Variants in FBN2 observed in about 807,000 individuals in gnomAD.
FBN2 encodes the protein fibrillin 2, also known as fibrillin-2.
FBN2 carries 105 observed loss-of-function variants against 355.6 expected under a neutral mutation model. The ratio of observed to expected loss-of-function variants is 0.30; its 90% CI spans 0.25 to 0.35. The LOEUF (loss-of-function observed/expected upper bound fraction) is 0.35. Among genes scored for constraint, FBN2 ranks in the 10% least tolerant of loss-of-function variants. The probability of loss-of-function intolerance (pLI) is 1.00; values close to 1 mark genes in which losing one functional copy is unlikely to be tolerated. For missense variants in FBN2, 3,280 were observed against 3,758.7 expected, an observed-to-expected ratio of 0.87 and a Z score of 3.33; for synonymous variants, 1,350 against 1,301.2, an observed-to-expected ratio of 1.04 and a Z score of -0.81.
chr5:128,471,945 G>A (rs1754871917), intron 5 of FBN2, among the ~76,000 whole-genome samples: 1 of 152,050 alleles, frequency 6.6e-6, no homozygotes, highest in Admixed American at 6.6e-5. Flanking sequence ...AGTTCAAAAG[G>A]CATGGAGTTA....
intron 60 of FBN2, 114 bp from the exon 61 acceptor site, chr5:128,274,082 C>A: frequency 1.6e-6 from 2 of 1,229,828 alleles, no homozygotes; most frequent in Non-Finnish European, 1.2e-6. Context: ...GTGAAAATGG[C>A]ATTTTGGGAA....
intron 7 of FBN2, 168 bp downstream of exon 7, chr5:128,446,313 T>TA (rs1754062306): frequency 3.1e-6 from 2 of 648,460 alleles, no homozygotes; most frequent in African/African-American, 3.6e-5. Flanking sequence ...TCAAACCCAC[T>TA]AAGGCTACAA....
chr5:128,343,532 C>G (rs982265642), intron 25 of FBN2, among the ~76,000 whole-genome samples: 1 of 152,072 alleles, frequency 6.6e-6, no homozygotes, highest in Non-Finnish European at 1.5e-5. Flanking sequence ...ATGGAGAATA[C>G]GAACAAAGAG....
At position 128,335,483 on chromosome 5, in the gene FBN2, G is replaced by C; in HGVS notation, c.3819C>G (p.Ala1273=). ...SYECSCSEGY[A]LMPDGRSCAD... is the part of the protein sequence containing the mutation. ...CACACGATCTCCCATCTGGCATCAG[G>C]GCATAACCCTCACTGCAGCTGCATT... Residue 1273 remains alanine (A), a synonymous_variant, in exon 29 of 65, where the codon GCC becomes GCG. Coordinates refer to ENST00000262464, the MANE Select transcript of FBN2 (RefSeq NM_001999.4). The C allele has an allele frequency of 6.2e-7, 1 of 1,614,142 alleles. No homozygotes were observed.
intron 3 of FBN2, 111 bp from the exon 4 acceptor site, chr5:128,528,078 C>A: frequency 1.3e-6 from 1 of 743,946 alleles, no homozygotes; most frequent in Middle Eastern, 2.3e-4. Flanking sequence ...ACAATTATAT[C>A]TTACAGAAGG....
chr5:128,310,210 C>A (rs898584502), intron 39 of FBN2, 102 bp from the exon 40 acceptor site: 3 of 995,580 alleles, frequency 3.0e-6, no homozygotes, highest in Non-Finnish European at 4.6e-6. Flanking sequence ...TCTAAATCCC[C>A]ATTTATGCAA....
chr5:128,291,654 T>C lies in FBN2; in HGVS notation c.6167A>G (p.Asp2056Gly), dbSNP rs745644401. 1 of 1,613,446 alleles carries C rather than the reference T, an allele frequency of 6.2e-7. No individual in the cohort carries two copies. Among genetic ancestry groups the C allele is most frequent in the Non-Finnish European group, 8.5e-7 (1 of 1,179,434 alleles). The change falls in exon 49 of 65, where the codon GAT becomes GGT. Residue 2056 changes from aspartate (D) to glycine (G), a missense_variant and splice_region_variant. Around this residue, in one of 6 missense-constraint regions of FBN2, gnomAD observed 2,284 missense variants for 2,749.5 expected, o/e 0.83. Transcript: ENST00000262464. Reference sequence around the variant, plus strand: ...GGGATCTTCATCACATTCATTTATATCTGCAGAACAGGGGGAGTATTTATT... The same window carrying C: ...GGGATCTTCATCACATTCATTTATACCTGCAGAACAGGGGGAGTATTTATT... ...GYEVKSENCI[D>G]INECDEDPNI...
At chr5:128,401,615 T>A (rs992078186) in intron 8 of FBN2, among the ~76,000 whole-genome samples, 32 of 152,078 alleles carry the variant, frequency 2.1e-4, no homozygotes, top group African/African-American at 7.2e-4. Context: ...ACCCCATCTC[T>A]ACTAAAATAC....
chr5:128,427,907 G>A (rs1211593489), intron 7 of FBN2, among the ~76,000 whole-genome samples: 7 of 152,246 alleles, frequency 4.6e-5, no homozygotes, highest in African/African-American at 1.4e-4. Context: ...ACCCAAGTTC[G>A]GTTCGGTAAA....
intron 7 of FBN2, among the ~76,000 whole-genome samples, chr5:128,425,931 A>T (rs2127022886): frequency 6.6e-6 from 1 of 152,234 alleles, no homozygotes; most frequent in Non-Finnish European, 1.5e-5. Flanking sequence ...ACCCTATTTA[A>T]ATTTAAAAAG....
intron 6 of FBN2, among the ~76,000 whole-genome samples, chr5:128,463,231 T>C (rs996914786): frequency 1.3e-5 from 2 of 152,034 alleles, no homozygotes; most frequent in Non-Finnish European, 2.9e-5. Flanking sequence ...TACAATATAA[T>C]ATAGAATATC....
intron 8 of FBN2, among the ~76,000 whole-genome samples, chr5:128,402,480 A>C (rs987467001): frequency 1.3e-5 from 2 of 152,108 alleles, no homozygotes; most frequent in African/African-American, 4.8e-5. Flanking sequence ...TCTATTTTGA[A>C]ACGTAATAAA....
chr5:128,407,869 G>T (rs1441579551), intron 8 of FBN2, among the ~76,000 whole-genome samples: 1 of 152,132 alleles, frequency 6.6e-6, no homozygotes, highest in South Asian at 2.1e-4. Flanking sequence ...TAACTGCCTG[G>T]TTTGGGGAGA....
chr5:128,523,814 T>C (rs958956160), intron 4 of FBN2, among the ~76,000 whole-genome samples: 2 of 151,956 alleles, frequency 1.3e-5, no homozygotes, highest in African/African-American at 4.8e-5. Flanking sequence ...TCCATCAGAG[T>C]ATACCTCCAA....
chr5:128,511,178 CA>C (rs1756119544), intron 5 of FBN2, among the ~76,000 whole-genome samples: 1 of 152,170 alleles, frequency 6.6e-6, no homozygotes, highest in African/African-American at 2.4e-5. Flanking sequence ...TTTAATCTAG[CA>C]GACATGCAGT....
At position 128,287,306 on chromosome 5, in the gene FBN2, A is replaced by T; in HGVS notation, c.6880+2T>A. 1 of 1,613,892 alleles carries T rather than the reference A, an allele frequency of 6.2e-7. No homozygotes were observed. The highest frequency in any genetic ancestry group is 8.5e-7 in the Non-Finnish European group (1 of 1,179,814). On this transcript the variant is annotated splice_donor_variant, in intron 54 of 64. Coordinates refer to ENST00000262464, the MANE Select transcript of FBN2 (RefSeq NM_001999.4). LOFTEE classifies it high-confidence loss of function. ...GAACTACTCCCGAGTCTGAGGCCTT[A>T]CCTTTGCACATCTTTTGATCTTCCC...
intron 8 of FBN2, among the ~76,000 whole-genome samples, chr5:128,397,482 C>T (rs181519895): frequency 6.6e-6 from 1 of 152,090 alleles, no homozygotes; most frequent in African/African-American, 2.4e-5. Context: ...AGTCAAGAGA[C>T]CTAGTTTTAC....
intron 16 of FBN2, among the ~76,000 whole-genome samples, chr5:128,367,267 A>AT (rs1429262913): frequency 1.3e-5 from 2 of 152,042 alleles, no homozygotes; most frequent in African/African-American, 4.8e-5. Flanking sequence ...GACAGTATTC[A>AT]TTTTTTTAAT....
intron 5 of FBN2, among the ~76,000 whole-genome samples, chr5:128,475,792 T>C (rs1754993744): frequency 6.6e-6 from 1 of 152,172 alleles, no homozygotes; most frequent in Non-Finnish European, 1.5e-5. Context: ...TAGGCTAGCA[T>C]TCGTTTTCTC....
Sources: gnomAD v4.1 joint callset for allele counts (sites outside exome capture counted in the v4.1 genomes callset) on GRCh38, gnomAD v4.1.1 for gene constraint, gnomAD v4.1.1 regional missense constraint, MANE v1.5 for transcripts, NCBI Gene and HGNC (gene_info 2026-07-23, HGNC 2026-07-21) for gene names.